Variants in FTO observed in about 807,000 individuals in gnomAD.
FTO encodes the protein FTO alpha-ketoglutarate dependent dioxygenase.
Under a neutral mutation model 63.9 loss-of-function variants are expected in FTO, and 47 were observed. The observed-to-expected ratio is 0.74, with a 90% CI of 0.58 to 0.94. FTO has a LOEUF of 0.94. FTO is among the 40% of genes least tolerant of loss of function. FTO has a pLI of 0.00. For synonymous variants in FTO, 207 were observed against 224.4 expected (o/e 0.92, Z 0.69); for missense variants, 562 against 618.1 (o/e 0.91, Z 0.96).
chr16:53,814,280 C>T lies in FTO; in HGVS notation c.123+4063C>T, dbSNP rs555979282. 5.3e-5 allele frequency among the ~76,000 whole-genome samples: 8 copies of T among 152,252 alleles called. No homozygotes were observed. In the East Asian group the frequency reaches 1.5e-3, roughly 29 times the overall value. On this transcript the variant is annotated intron_variant, in intron 2 of 8. Transcript: ENST00000471389. ...AACGAGGAATTACATAGTCAGAAAACAAACTCTGACTTCCAGAAATATGAA... is the reference window on the plus strand; with the variant it reads ...AACGAGGAATTACATAGTCAGAAAATAAACTCTGACTTCCAGAAATATGAA...
chr16:53,719,253 C>CTTTTT (rs10527186), intron 1 of FTO, among the ~76,000 whole-genome samples: 23 of 135,662 alleles, frequency 1.7e-4, no homozygotes, highest in East Asian at 7.8e-4. Context: ...TCTTCTTCTT[C>CTTTTT]TTTTTTTTTT....
intron 4 of FTO, among the ~76,000 whole-genome samples, chr16:53,852,545 C>T (rs543173375): frequency 1.3e-5 from 2 of 152,196 alleles, no homozygotes; most frequent in South Asian, 2.1e-4. Flanking sequence ...GACAAGCACG[C>T]TTATAAGTTG....
At chr16:54,034,341 A>G (rs2084896592) in intron 8 of FTO, among the ~76,000 whole-genome samples, 1 of 152,184 alleles carries the variant, frequency 6.6e-6, no homozygotes, top group Non-Finnish European at 1.5e-5. Context: ...TGATTCTAAA[A>G]TGAAAAGAAT....
At chr16:54,057,289 A>G (rs1311032541) in intron 8 of FTO, among the ~76,000 whole-genome samples, 1 of 152,224 alleles carries the variant, frequency 6.6e-6, no homozygotes, top group Non-Finnish European at 1.5e-5. Flanking sequence ...CTGGCTGACC[A>G]CTGTGGAAGA....
chr16:53,871,672 C>T (rs1240038080), intron 4 of FTO, among the ~76,000 whole-genome samples: 1 of 151,594 alleles, frequency 6.6e-6, no homozygotes, highest in Non-Finnish European at 1.5e-5. Context: ...TATACTTTTA[C>T]ATACTTTTGG....
chr16:53,722,682 GC>G (rs1367033360), intron 1 of FTO, among the ~76,000 whole-genome samples: 2 of 152,038 alleles, frequency 1.3e-5, no homozygotes, highest in Non-Finnish European at 2.9e-5. Context: ...CAAAAAATTA[GC>G]CGGGTGTGGT....
At chr16:53,750,580 A>AAAG (rs1169163277) in intron 1 of FTO, among the ~76,000 whole-genome samples, 1 of 152,348 alleles carries the variant, frequency 6.6e-6, no homozygotes, top group South Asian at 2.1e-4. Flanking sequence ...AAAGAAAAAC[A>AAAG]AAGAAGAAGA....
At chr16:53,817,996 T>C (rs2078747251) in intron 2 of FTO, among the ~76,000 whole-genome samples, 1 of 152,136 alleles carries the variant, frequency 6.6e-6, no homozygotes, top group Non-Finnish European at 1.5e-5. Context: ...CTAATGGGAT[T>C]AAATGAAAAA....
At chr16:53,931,919 AT>A (rs2082295857) in intron 7 of FTO, among the ~76,000 whole-genome samples, 1 of 148,080 alleles carries the variant, frequency 6.8e-6, no homozygotes, top group East Asian at 2.0e-4. Flanking sequence ...CACATACCAG[AT>A]TTCTTGTTTA....
At chr16:54,069,557 T>C (rs1465689230) in intron 8 of FTO, among the ~76,000 whole-genome samples, 1 of 152,222 alleles carries the variant, frequency 6.6e-6, no homozygotes, top group Non-Finnish European at 1.5e-5. Context: ...AGCAGTAGAA[T>C]TGCAGGTTAT....
intron 8 of FTO, among the ~76,000 whole-genome samples, chr16:54,100,870 G>A (rs2144593447): frequency 6.6e-6 from 1 of 152,262 alleles, no homozygotes; most frequent in South Asian, 2.1e-4. Flanking sequence ...CTTGGGAGGT[G>A]CCCTGGTGGA....
At chr16:53,913,342 T>C (rs1567430476) in intron 7 of FTO, among the ~76,000 whole-genome samples, 1 of 152,232 alleles carries the variant, frequency 6.6e-6, no homozygotes, top group Non-Finnish European at 1.5e-5. Flanking sequence ...GGCAGGAGAA[T>C]GTCCTTGTCT....
At position 54,005,859 on chromosome 16, in the gene FTO, A is replaced by G. The variant is rs138504711; in HGVS notation, c.1364+71750A>G. On this transcript the variant is annotated intron_variant, in intron 8 of 8. Transcript: ENST00000471389. ...CAACTGCCTTAGGACTTTTTGGCCA[A>G]GATTAATGTAATATATAAAGGTAAG... Among the ~76,000 whole-genome samples the G allele has an allele frequency of 7.5e-3, 1,140 of 152,336 alleles. 12 individuals carry two copies. The highest frequency in any genetic ancestry group is 0.022 in the African/African-American group (905 of 41,580).
At chr16:53,907,249 T>G (rs1264789064) in intron 7 of FTO, among the ~76,000 whole-genome samples, 1 of 152,222 alleles carries the variant, frequency 6.6e-6, no homozygotes, top group Non-Finnish European at 1.5e-5. Context: ...TAGATTAGCC[T>G]AGAGTGACTT....
chr16:54,087,413 T>C (rs543589115), intron 8 of FTO, among the ~76,000 whole-genome samples: 1 of 152,206 alleles, frequency 6.6e-6, no homozygotes, highest in South Asian at 2.1e-4. Context: ...TTGGGGAAGG[T>C]GAGATAGACA....
chr16:53,813,798 C>T (rs999791322), intron 2 of FTO, among the ~76,000 whole-genome samples: 1 of 152,174 alleles, frequency 6.6e-6, no homozygotes, highest in Admixed American at 6.5e-5. Flanking sequence ...ATGCAATCCC[C>T]ACAACAGCCT....
chr16:53,704,125 C>A, upstream of FTO: 2 of 1,498,122 alleles, frequency 1.3e-6, no homozygotes, highest in South Asian at 1.2e-5. Flanking sequence ...ATGCAGGAGG[C>A]GGGGTCCAGG....
intron 8 of FTO, among the ~76,000 whole-genome samples, chr16:53,980,255 C>A (rs547147031): frequency 2.6e-5 from 4 of 152,126 alleles, no homozygotes; most frequent in Non-Finnish European, 5.9e-5. Context: ...CTATTGGGCT[C>A]CTTTTACCGA....
chr16:53,916,668 T>C (rs2081875373), intron 7 of FTO, among the ~76,000 whole-genome samples: 1 of 152,240 alleles, frequency 6.6e-6, no homozygotes, highest in South Asian at 2.1e-4. Context: ...GCACTAAACA[T>C]ATACACAGAG....
Sources: gnomAD v4.1 joint callset for allele counts (sites outside exome capture counted in the v4.1 genomes callset) on GRCh38, gnomAD v4.1.1 for gene constraint, MANE v1.5 for transcripts, NCBI Gene and HGNC (gene_info 2026-07-23, HGNC 2026-07-21) for gene names.